The following NDUFB10 variants were observed in gnomAD, a reference collection of about 807,000 sequenced individuals.
NDUFB10 encodes NADH dehydrogenase [ubiquinone] 1 beta subcomplex subunit 10.
Under a neutral mutation model 19.0 loss-of-function variants are expected in NDUFB10, and 23 were observed. That is an observed-to-expected ratio of 1.21 (90% CI 0.87 to 1.71). The LOEUF (loss-of-function observed/expected upper bound fraction) is 1.71. Among genes scored for constraint, NDUFB10 ranks in the 40% most tolerant of loss-of-function variants. The pLI is 0.00. For missense variants in NDUFB10, 312 were observed against 230.6 expected, an observed-to-expected ratio of 1.35 and a Z score of -2.29; for synonymous variants, 104 against 81.8, an observed-to-expected ratio of 1.27 and a Z score of -1.46.
In NDUFB10 at chr16:1,961,081, T is replaced by A. The variant is rs731198; in HGVS notation, c.131-72T>A. On this transcript the variant is annotated intron_variant, in intron 1 of 3. Coordinates refer to ENST00000268668, the MANE Select transcript of NDUFB10 (RefSeq NM_004548.3). ...TCTCCTCTCTCCCCTCCAAAGGGCT[T>A]ATGAGAAATAAGAAAGCTAAAAGCC... 3 of 1,560,092 alleles carry A rather than the reference T, an allele frequency of 1.9e-6. No homozygotes were observed. In the African/African-American group the frequency reaches 4.1e-5, roughly 21 times the overall value.
At chr16:1,959,831 A>G (rs1183640295) in intron 1 of NDUFB10, 77 bp downstream of exon 1, 15 of 1,570,752 alleles carry the variant, frequency 9.5e-6, no homozygotes, top group Non-Finnish European at 7.8e-6. Flanking sequence ...GGATCCTCCA[A>G]TGCCTCCGGG....
intron 1 of NDUFB10, 64 bp from the exon 2 acceptor site, chr16:1,961,089 A>C: frequency 6.3e-7 from 1 of 1,581,748 alleles, no homozygotes; most frequent in Non-Finnish European, 8.6e-7. Context: ...CTTATGAGAA[A>C]TAAGAAAGCT....
chr16:1,960,384 A>G (rs2083245662), intron 1 of NDUFB10, among the ~76,000 whole-genome samples: 2 of 151,938 alleles, frequency 1.3e-5, no homozygotes, highest in African/African-American at 4.8e-5. Flanking sequence ...CACCACGCCC[A>G]GCTAATTTTT....
At position 1,959,661 on chromosome 16, in the gene NDUFB10, C is replaced by A; in HGVS notation, c.37C>A (p.Pro13Thr). 1 of 1,613,004 alleles carries A rather than the reference C, an allele frequency of 6.2e-7. No homozygotes were observed. Among genetic ancestry groups the A allele is most frequent in the South Asian group, 1.1e-5 (1 of 91,074 alleles). The change falls in exon 1 of 4, where the codon CCC (proline) becomes ACC (threonine). Residue 13 changes from proline to threonine, a missense_variant. Pro to Thr is a conservative substitution (Grantham distance 38). Coordinates refer to ENST00000268668, the MANE Select transcript of NDUFB10 (RefSeq NM_004548.3). ...DSWDKDVYPEPPRRTPVQPNP... is the reference protein window; with the variant it reads ...DSWDKDVYPETPRRTPVQPNP... ...CTGGGACAAGGATGTGTACCCTGAGCCCCCGCGCCGCACGCCGGTGCAGCC... is the reference window on the plus strand; with the variant it reads ...CTGGGACAAGGATGTGTACCCTGAGACCCCGCGCCGCACGCCGGTGCAGCC...
intron 3 of NDUFB10, 50 bp downstream of exon 3, chr16:1,961,686 GGGCCA>G: frequency 6.5e-7 from 1 of 1,544,820 alleles, no homozygotes; most frequent in East Asian, 2.4e-5. Flanking sequence ...TGAGGCCTGG[GGGCCA>G]GAACCATTGC....
rs768329352 is a variant in NDUFB10 at position 1,961,252 on chromosome 16, T to A, written c.230T>A (p.Met77Lys). 4 of 1,614,026 alleles carry A rather than the reference T, an allele frequency of 2.5e-6. No individual in the cohort carries two copies. Among genetic ancestry groups the A allele is most frequent in the Non-Finnish European group, 2.5e-6 (3 of 1,180,026 alleles). ...ACTGAGTGCAAGGAGGAGGACATCA[T>A]GTGCATGTATGAAGCCGAAATGCAG... Reference protein sequence around the residue: ...DITECKEEDIMCMYEAEMQWK... With the variant: ...DITECKEEDIKCMYEAEMQWK... The change falls in exon 2 of 4, where the codon ATG becomes AAG. Residue 77 changes from methionine (M) to lysine (K), a missense_variant. Met to Lys is a moderately conservative substitution (Grantham distance 95, BLOSUM62 -1). Transcript: ENST00000268668.
chr16:1,961,408 A>G (rs2083253659), intron 2 of NDUFB10, 89 bp from the exon 3 acceptor site: 2 of 1,592,862 alleles, frequency 1.3e-6, no homozygotes, highest in Non-Finnish European at 1.7e-6. Flanking sequence ...GAGGAGCCAG[A>G]CCCCAGGGCT....
chr16:1,959,671 G>A lies in NDUFB10; in HGVS notation c.47G>A (p.Arg16His). The A allele has an allele frequency of 6.2e-7, 1 of 1,613,150 alleles. No homozygotes were observed. The highest frequency in any genetic ancestry group is 1.1e-5 in the South Asian group (1 of 91,072). ...DKDVYPEPPR[R>H]TPVQPNPIVY... Reference sequence around the variant, plus strand: ...GATGTGTACCCTGAGCCCCCGCGCCGCACGCCGGTGCAGCCCAATCCCATC... The same window carrying A: ...GATGTGTACCCTGAGCCCCCGCGCCACACGCCGGTGCAGCCCAATCCCATC... The change falls in exon 1 of 4, where the codon CGC (arginine) becomes CAC (histidine). Residue 16 changes from arginine to histidine, a missense_variant. By Grantham distance (29) the Arg-to-His change is conservative (BLOSUM62 0). Coordinates refer to ENST00000268668, the MANE Select transcript of NDUFB10 (RefSeq NM_004548.3).
In NDUFB10 at chr16:1,961,812, C is replaced by T. The variant is rs147766992; in HGVS notation, c.425C>T (p.Ala142Val). ...GCTTCCCCAGATCAGGACCTGGGGGCCTACAGTTCTGCCAGGAAGTGCCTG... is the reference window on the plus strand; with the variant it reads ...GCTTCCCCAGATCAGGACCTGGGGGTCTACAGTTCTGCCAGGAAGTGCCTG... ...AYQDRYQDLGAYSSARKCLAK... is the reference protein window; with the variant it reads ...AYQDRYQDLGVYSSARKCLAK... The change falls in exon 4 of 4, where the codon GCC becomes GTC. Residue 142 changes from alanine to valine, a missense_variant. Coordinates refer to ENST00000268668, the MANE Select transcript of NDUFB10 (RefSeq NM_004548.3). The T allele has an allele frequency of 1.2e-5, 18 of 1,556,532 alleles. No individual in the cohort carries two copies. In the African/African-American group the frequency reaches 2.2e-4, roughly 19 times the overall value.
rs757053213 is a variant in NDUFB10 at position 1,961,198 on chromosome 16, A to G, written c.176A>G (p.His59Arg). Residue 59 changes from histidine (H) to arginine (R), a missense_variant, in exon 2 of 4, where the codon CAC (histidine) becomes CGC (arginine). Physicochemically the swap from His to Arg is conservative, Grantham distance 29. Transcript: ENST00000268668. ...QHAKNRYYYY[H>R]RQYRRVPDIT... ...GCAAAGAACAGGTATTACTACTACCACCGGCAGTACCGCCGCGTGCCAGAC... is the reference window on the plus strand; with the variant it reads ...GCAAAGAACAGGTATTACTACTACCGCCGGCAGTACCGCCGCGTGCCAGAC... 6.2e-7 allele frequency: 1 copy of G among 1,614,156 alleles called. No individual in the cohort carries two copies. The highest frequency in any genetic ancestry group is 1.7e-5 in the Admixed American group (1 of 60,030).
At chr16:1,961,692 G>C (rs1337718437) in intron 3 of NDUFB10, 56 bp downstream of exon 3, 6 of 1,292,226 alleles carry the variant, frequency 4.6e-6, no homozygotes, top group East Asian at 5.0e-5. Context: ...CTGGGGGCCA[G>C]AACCATTGCA....
rs2302175 is a variant in NDUFB10, at chr16:1,959,696, C to T, written c.72C>T (p.Ile24=). 0.034 allele frequency: 55,295 copies of T among 1,613,348 alleles called. 3,590 individuals are homozygous for T. Among genetic ancestry groups the T allele is most frequent in the East Asian group, 0.3 (13,662 of 44,824 alleles). ...GCACGCCGGTGCAGCCCAATCCCATCGTCTACATGATGAAAGCGTTCGACC... is the reference window on the plus strand; with the variant it reads ...GCACGCCGGTGCAGCCCAATCCCATTGTCTACATGATGAAAGCGTTCGACC... ...PRRTPVQPNP[I]VYMMKAFDLI... Residue 24 remains isoleucine, a synonymous_variant, in exon 1 of 4, where the codon ATC becomes ATT. Coordinates refer to ENST00000268668, the MANE Select transcript of NDUFB10 (RefSeq NM_004548.3).
rs1355662978 is a variant in NDUFB10 at position 1,959,621 on chromosome 16, C to T, written c.-4C>T. ...CGGGAGCGGAGTCCGCGCCCGCCGC[C>T]GCCATGCCGGACAGCTGGGACAAGG... On this transcript the variant is annotated 5_prime_UTR_variant, in exon 1 of 4. Coordinates refer to ENST00000268668, the MANE Select transcript of NDUFB10 (RefSeq NM_004548.3). 6.2e-7 allele frequency: 1 copy of T among 1,608,268 alleles called. No homozygotes were observed. Among genetic ancestry groups the T allele is most frequent in the South Asian group, 1.1e-5 (1 of 90,726 alleles).
intron 1 of NDUFB10, among the ~76,000 whole-genome samples, chr16:1,960,696 C>T (rs765308088): frequency 8.5e-5 from 13 of 152,200 alleles, no homozygotes; most frequent in Non-Finnish European, 1.2e-4. Flanking sequence ...TCTGGATGTT[C>T]GAGCTCTCCT....
In NDUFB10 at chr16:1,961,680, G is replaced by C. The variant is rs200616287; in HGVS notation, c.409+44G>C. 2,951 of 1,536,266 alleles carry C rather than the reference G, an allele frequency of 1.9e-3. 8 individuals carry two copies. Among genetic ancestry groups the C allele is most frequent in the Non-Finnish European group, 2.2e-3 (2,529 of 1,136,130 alleles). ...CCCAACCCCCCACCATCCTCCTGAG[G>C]CCTGGGGGCCAGAACCATTGCAAAT... On this transcript the variant is annotated intron_variant, in intron 3 of 3. Transcript: ENST00000268668.
intron 1 of NDUFB10, among the ~76,000 whole-genome samples, chr16:1,960,225 GT>G (rs57356094): frequency 3.4e-5 from 5 of 146,828 alleles, no homozygotes; most frequent in Admixed American, 6.7e-5. Flanking sequence ...AGTTTTTGTT[GT>G]TTTTTTTTTT....
At chr16:1,960,387 TA>T (rs1416983815) in intron 1 of NDUFB10, among the ~76,000 whole-genome samples, 1 of 152,088 alleles carries the variant, frequency 6.6e-6, no homozygotes, top group East Asian at 1.9e-4. Context: ...CACGCCCAGC[TA>T]ATTTTTATAT....
chr16:1,959,891 C>T (rs2083242286), intron 1 of NDUFB10, 137 bp downstream of exon 1: 1 of 1,223,592 alleles, frequency 8.2e-7, no homozygotes, highest in Non-Finnish European at 1.1e-6. Context: ...GACAACTCCC[C>T]ACCCCCGGAG....
intron 1 of NDUFB10, 132 bp downstream of exon 1, chr16:1,959,886 C>T (rs1019434692): frequency 4.8e-6 from 6 of 1,251,040 alleles, no homozygotes; most frequent in African/African-American, 4.5e-5. Context: ...CCGGGGACAA[C>T]TCCCCACCCC....
Sources: allele counts gnomAD v4.1 joint callset (sites outside exome capture counted in the v4.1 genomes callset), GRCh38; gene constraint gnomAD v4.1.1; transcripts MANE v1.5; gene names NCBI Gene and HGNC (gene_info 2026-07-23, HGNC 2026-07-21).